Variants in PCDHA8 observed in about 807,000 individuals in gnomAD.
The protein encoded by PCDHA8 is protocadherin alpha 8, also known as protocadherin alpha-8.
PCDHA8 carries 53 observed loss-of-function variants against 61.8 expected under a neutral mutation model. The ratio of observed to expected loss-of-function variants is 0.86; its 90% CI spans 0.69 to 1.08. The LOEUF (loss-of-function observed/expected upper bound fraction) is 1.08. Ranked by LOEUF, PCDHA8 falls within the 50% of genes least tolerant of loss-of-function variation. PCDHA8 has a pLI of 0.00. For synonymous variants in PCDHA8, 618 were observed against 556.6 expected (o/e 1.11, Z -1.55); for missense variants, 1,293 against 1,245.0 (o/e 1.04, Z -0.58).
intron 1 of PCDHA8, among the ~76,000 whole-genome samples, chr5:140,941,192 TTTCTTTCTTCCTTTCTTTCTTCC>T (rs2153649449): frequency 1.0e-5 from 1 of 99,660 alleles, no homozygotes; most frequent in African/African-American, 4.0e-5. Flanking sequence ...CTTCTTTTTT[TTTCTTTCTTCCTTTCTTTCTTCC>T]TTTCTTTCTT....
intron 1 of PCDHA8, among the ~76,000 whole-genome samples, chr5:140,921,243 G>A (rs2080116903): frequency 6.6e-6 from 1 of 151,726 alleles, no homozygotes; most frequent in Non-Finnish European, 1.5e-5. Flanking sequence ...TTAAGCCACA[G>A]ATCAAAAAGT....
chr5:140,850,815 C>A (rs2041835353), intron 1 of PCDHA8: 1 of 1,598,236 alleles, frequency 6.3e-7, no homozygotes, highest in East Asian at 2.2e-5. Flanking sequence ...GGCCTTCAGC[C>A]CGGGCCTTTC....
Position 140,918,963 on chromosome 5 carries a change from A to C in PCDHA8, c.2395-59986A>C, listed in dbSNP as rs74470631. ...TAATATCCTGAACAGACTAAGACAGATATCGTTTAGGTTAGTTGGTTTTTA... is the reference window on the plus strand; with the variant it reads ...TAATATCCTGAACAGACTAAGACAGCTATCGTTTAGGTTAGTTGGTTTTTA... On this transcript the variant is annotated intron_variant, in intron 1 of 3. Transcript: ENST00000531613. Among the ~76,000 whole-genome samples the C allele has an allele frequency of 4.6e-3, 702 of 152,330 alleles. 2 individuals are homozygous for C. Among genetic ancestry groups the C allele is most frequent in the African/African-American group, 0.016 (679 of 41,576 alleles).
chr5:140,922,172 C>T (rs1466116071), intron 1 of PCDHA8, among the ~76,000 whole-genome samples: 2 of 134,528 alleles, frequency 1.5e-5, no homozygotes, highest in Non-Finnish European at 3.3e-5. Context: ...AAAAGTACAG[C>T]AGACAAAAAA....
chr5:140,991,244 G>A (rs535469323), intron 3 of PCDHA8, among the ~76,000 whole-genome samples: 2 of 152,278 alleles, frequency 1.3e-5, no homozygotes, highest in South Asian at 4.1e-4. Flanking sequence ...GGTAAAGGCA[G>A]TATTTGAACT....
rs200732213 is a variant in PCDHA8, at chr5:140,863,214, A to G, written c.2394+19499A>G. On this transcript the variant is annotated intron_variant, in intron 1 of 3. Transcript: ENST00000531613. ...TGGCGTCGCTGGCGGAGAGCAGCCA[A>G]GCGAGGAAGGTCCCATCGCGGGCTT... The G allele has an allele frequency of 2.6e-3, 2,761 of 1,068,920 alleles. 12 individuals carry two copies. The highest frequency in any genetic ancestry group is 9.8e-3 in the Middle Eastern group (44 of 4,506). The allele number at this position is 1,068,920 out of a possible 1,614,324, so 66.2% of individuals were successfully genotyped here. A position where few individuals can be genotyped will look rare whatever the true frequency, so the allele number is the denominator to read the frequency against.
chr5:140,949,313 A>G (rs989940621), intron 1 of PCDHA8, among the ~76,000 whole-genome samples: 1 of 151,952 alleles, frequency 6.6e-6, no homozygotes, highest in Non-Finnish European at 1.5e-5. Context: ...GTAATGATTT[A>G]TAAATATAAA....
At position 140,969,614 on chromosome 5, in the gene PCDHA8, T is replaced by G. The variant is rs56144348; in HGVS notation, c.2395-9335T>G. The G allele has an allele frequency of 1.3e-3, 977 of 725,126 alleles. 8 individuals are homozygous for G. In the African/African-American group the frequency reaches 0.016, roughly 12 times the overall value. 44.9% of individuals were successfully genotyped at this position (725,126 alleles called of 1,614,324 possible). A position where few individuals can be genotyped will look rare whatever the true frequency, so the allele number is the denominator to read the frequency against. ...AATATTTAATGCTAAAACACAGATT[T>G]GTAGAGAAACAGGACAGGCCTTGGA... On this transcript the variant is annotated intron_variant, in intron 1 of 3. Transcript: ENST00000531613.
In PCDHA8 at chr5:140,848,822, C is replaced by T. The variant is rs2150421511; in HGVS notation, c.2394+5107C>T. The T allele has an allele frequency of 1.9e-6, 3 of 1,590,462 alleles. 1 individual carries two copies. The highest frequency in any genetic ancestry group is 3.4e-5 in the Admixed American group (2 of 58,802). ...AGTGCAGCATCCACCTGGAGGTGATCGTAGACAGGCCGCTGCAGGTTTTCC... is the reference window on the plus strand; with the variant it reads ...AGTGCAGCATCCACCTGGAGGTGATTGTAGACAGGCCGCTGCAGGTTTTCC... On this transcript the variant is annotated intron_variant, in intron 1 of 3. Transcript: ENST00000531613.
intron 1 of PCDHA8, among the ~76,000 whole-genome samples, chr5:140,903,708 T>C (rs1460220411): frequency 1.3e-5 from 2 of 152,212 alleles, no homozygotes; most frequent in Non-Finnish European, 2.9e-5. Context: ...AGTAATAAAA[T>C]ATACAATTCT....
intron 1 of PCDHA8, chr5:140,876,879 G>T (rs782299548): frequency 6.2e-7 from 1 of 1,614,150 alleles, no homozygotes; most frequent in Non-Finnish European, 8.5e-7. Context: ...AGAACAACCC[G>T]CCGGGCTGCC....
At chr5:140,924,227 TA>T (rs2153571643) in intron 1 of PCDHA8, among the ~76,000 whole-genome samples, 1 of 152,354 alleles carries the variant, frequency 6.6e-6, no homozygotes, top group East Asian at 1.9e-4. Flanking sequence ...GTTCAATTTT[TA>T]TGGGCTGTTT....
intron 3 of PCDHA8, among the ~76,000 whole-genome samples, chr5:141,004,757 A>T (rs964370551): frequency 3.9e-5 from 6 of 152,164 alleles, no homozygotes; most frequent in African/African-American, 1.4e-4. Flanking sequence ...TCTCTTAGAG[A>T]CAGGACCTGT....
At chr5:140,897,667 A>G (rs2066254740) in intron 1 of PCDHA8, among the ~76,000 whole-genome samples, 1 of 152,134 alleles carries the variant, frequency 6.6e-6, no homozygotes, top group Non-Finnish European at 1.5e-5. Context: ...ATGTGTCTTT[A>G]TAGCAGCATG....
intron 1 of PCDHA8, among the ~76,000 whole-genome samples, chr5:140,914,671 A>G (rs1012780806): frequency 2.6e-5 from 4 of 151,552 alleles, no homozygotes; most frequent in Non-Finnish European, 4.4e-5. Context: ...CTTCTTTTTC[A>G]TGAAAATAAT....
At chr5:140,931,547 T>C (rs2087587732) in intron 1 of PCDHA8, among the ~76,000 whole-genome samples, 1 of 152,064 alleles carries the variant, frequency 6.6e-6, no homozygotes, top group Admixed American at 6.5e-5. Flanking sequence ...ACTGTTCATA[T>C]GTGCAGGAAT....
chr5:140,875,938 G>A (rs375005102), intron 1 of PCDHA8: 5 of 1,614,020 alleles, frequency 3.1e-6, no homozygotes, highest in Middle Eastern at 1.6e-4. Flanking sequence ...TCCTCTAGAG[G>A]GCGCTTCTGA....
intron 1 of PCDHA8, among the ~76,000 whole-genome samples, chr5:140,945,881 A>C (rs1334626828): frequency 6.6e-6 from 1 of 152,158 alleles, no homozygotes; most frequent in African/African-American, 2.4e-5. Flanking sequence ...AAAACTAACA[A>C]AGAAAACACA....
intron 1 of PCDHA8, among the ~76,000 whole-genome samples, chr5:140,909,538 A>T (rs1204423392): frequency 6.6e-6 from 1 of 152,148 alleles, no homozygotes; most frequent in East Asian, 1.9e-4. Context: ...TGAGTCCTTG[A>T]TGGTGGCACT....
Sources: allele counts gnomAD v4.1 joint callset (sites outside exome capture counted in the v4.1 genomes callset), GRCh38; gene constraint gnomAD v4.1.1; transcripts MANE v1.5; gene names NCBI Gene and HGNC (gene_info 2026-07-23, HGNC 2026-07-21).